The following CDS1 variants were observed in gnomAD, a reference collection of about 807,000 sequenced individuals.
The protein encoded by CDS1 is CDP-diacylglycerol synthase 1.
In CDS1, 41 loss-of-function variants were observed where a neutral mutation model predicts 62.1. The observed-to-expected ratio is 0.66, with a 90% CI of 0.51 to 0.86. CDS1 has a LOEUF of 0.86. CDS1 is among the 40% of genes least tolerant of loss of function. The pLI is 0.00. For synonymous variants in CDS1, 185 were observed against 192.6 expected (o/e 0.96, Z 0.32); for missense variants, 470 against 550.1 (o/e 0.85, Z 1.46).
intron 1 of CDS1, among the ~76,000 whole-genome samples, chr4:84,593,666 G>A (rs1429851988): frequency 6.6e-6 from 1 of 151,964 alleles, no homozygotes; most frequent in African/African-American, 2.4e-5. Flanking sequence ...CACTACGCCT[G>A]ACTAATTTTT....
intron 8 of CDS1, 69 bp from the exon 9 acceptor site, chr4:84,638,855 A>G (rs898493194): frequency 2.6e-5 from 10 of 386,064 alleles, no homozygotes; most frequent in African/African-American, 1.7e-4. Context: ...GTTTATATAT[A>G]TATATATATA....
chr4:84,644,834 A>T (rs1724506106), intron 11 of CDS1, among the ~76,000 whole-genome samples: 1 of 152,250 alleles, frequency 6.6e-6, no homozygotes, highest in African/African-American at 2.4e-5. Context: ...AACCAGTTGT[A>T]CATCTTTTAG....
rs150104822 is a variant in CDS1, at chr4:84,650,681, A to C, written c.*1995A>C. ...TTATAAAATCAATATTATTATAAACAAAATAGGAAGCTAGAAATATTTGGG... is the reference window on the plus strand; with the variant it reads ...TTATAAAATCAATATTATTATAAACCAAATAGGAAGCTAGAAATATTTGGG... On this transcript the variant is annotated 3_prime_UTR_variant, in exon 13 of 13. Transcript: ENST00000295887. The C allele has an allele frequency of 8.6e-4, 131 of 152,358 alleles. 1 individual carries two copies. Among genetic ancestry groups the C allele is most frequent in the African/African-American group, 3.1e-3 (130 of 41,592 alleles). The allele number at this position is 152,358 out of a possible 1,614,324, so 9.4% of individuals were successfully genotyped here.
chr4:84,643,062 T>C lies in CDS1; in HGVS notation c.1071T>C (p.Ile357=). Residue 357 remains isoleucine, a synonymous_variant, in exon 11 of 13, where the codon ATT becomes ATC. Transcript: ENST00000295887. ...VSLYPFQIHS[I]ALSTFASLIG... ...TGTACCCTTTCCAGATCCACAGCAT[T>C]GCACTGTCAACCTTTGCATCTTTAA... The C allele has an allele frequency of 6.2e-7, 1 of 1,613,098 alleles. No homozygotes were observed. The highest frequency in any genetic ancestry group is 8.5e-7 in the Non-Finnish European group (1 of 1,179,374).
chr4:84,608,205 G>A (rs1042785407), intron 2 of CDS1, among the ~76,000 whole-genome samples: 13 of 152,182 alleles, frequency 8.5e-5, no homozygotes, highest in Admixed American at 3.9e-4. Context: ...ACGGAGTCTC[G>A]CTCAGTCGCC....
chr4:84,595,440 T>C (rs1047276007), intron 1 of CDS1, among the ~76,000 whole-genome samples: 1 of 152,220 alleles, frequency 6.6e-6, no homozygotes, highest in Non-Finnish European at 1.5e-5. Flanking sequence ...CATAAATAGT[T>C]GCATACTGTA....
chr4:84,640,375 A>G (rs1724341698), intron 9 of CDS1, among the ~76,000 whole-genome samples: 1 of 151,978 alleles, frequency 6.6e-6, no homozygotes, highest in Non-Finnish European at 1.5e-5. Context: ...GGCTGTGGAC[A>G]GCTAGTTTTA....
intron 5 of CDS1, among the ~76,000 whole-genome samples, chr4:84,623,901 A>G (rs1288710371): frequency 6.6e-6 from 1 of 151,922 alleles, no homozygotes; most frequent in Non-Finnish European, 1.5e-5. Context: ...TGGCCCCTCC[A>G]TGTGGCTTGG....
chr4:84,604,187 C>T, intron 1 of CDS1, 56 bp from the exon 2 acceptor site: 1 of 1,502,936 alleles, frequency 6.7e-7, no homozygotes, highest in East Asian at 2.3e-5. Context: ...ATGTATTGGC[C>T]AGCCTGTGCT....
At chr4:84,610,133 TAGCATGATAAATA>T (rs1723272621) in intron 3 of CDS1, among the ~76,000 whole-genome samples, 1 of 152,092 alleles carries the variant, frequency 6.6e-6, no homozygotes, top group Non-Finnish European at 1.5e-5. Flanking sequence ...TATGAATAAA[TAGCATGATAAATA>T]AGCGAGATAA....
chr4:84,620,377 C>G (rs1723644114), intron 5 of CDS1, among the ~76,000 whole-genome samples: 1 of 151,708 alleles, frequency 6.6e-6, no homozygotes, highest in Non-Finnish European at 1.5e-5. Context: ...CCCCCGCCAC[C>G]ACACCCGACT....
At chr4:84,609,154 G>A (rs571277756) in intron 2 of CDS1, among the ~76,000 whole-genome samples, 17 of 149,826 alleles carry the variant, frequency 1.1e-4, no homozygotes, top group Non-Finnish European at 2.1e-4. Context: ...ACTCCAGCCT[G>A]GGTGCGACAG....
intron 1 of CDS1, among the ~76,000 whole-genome samples, chr4:84,601,640 C>T (rs539020921): frequency 7.3e-4 from 111 of 152,180 alleles, no homozygotes; most frequent in African/African-American, 2.6e-3. Context: ...CATTCAGGTA[C>T]GGTGGCTCAC....
intron 6 of CDS1, among the ~76,000 whole-genome samples, chr4:84,633,431 C>T (rs371763879): frequency 2.0e-5 from 3 of 152,190 alleles, no homozygotes; most frequent in Non-Finnish European, 4.4e-5. Context: ...AAAAAGTTAC[C>T]GTAATAAACT....
chr4:84,590,894 A>G (rs1030266871), intron 1 of CDS1, among the ~76,000 whole-genome samples: 2 of 152,188 alleles, frequency 1.3e-5, no homozygotes, highest in East Asian at 1.9e-4. Context: ...TTATGGCTAC[A>G]TGGTATCAGT....
chr4:84,626,274 A>G (rs1723858505), intron 5 of CDS1, among the ~76,000 whole-genome samples: 2 of 152,240 alleles, frequency 1.3e-5, no homozygotes, highest in Admixed American at 6.5e-5. Context: ...AGTTGTTTAT[A>G]TATCACAAGT....
At chr4:84,621,661 A>G (rs935733714) in intron 5 of CDS1, among the ~76,000 whole-genome samples, 11 of 152,176 alleles carry the variant, frequency 7.2e-5, no homozygotes, top group Non-Finnish European at 1.3e-4. Flanking sequence ...TCCTGGGCTC[A>G]AGGGATCCTT....
intron 5 of CDS1, among the ~76,000 whole-genome samples, chr4:84,623,587 GT>G (rs1335821321): frequency 6.6e-6 from 1 of 152,036 alleles, no homozygotes. Context: ...CTCTGTTCTT[GT>G]GGGGCTTCCC....
intron 7 of CDS1, among the ~76,000 whole-genome samples, chr4:84,634,785 C>A (rs1014722603): frequency 6.6e-6 from 1 of 152,064 alleles, no homozygotes; most frequent in Non-Finnish European, 1.5e-5. Flanking sequence ...TCTGTACATT[C>A]AGTAGGGTTT....
Sources: allele counts gnomAD v4.1 joint callset (sites outside exome capture counted in the v4.1 genomes callset), GRCh38; gene constraint gnomAD v4.1.1; transcripts MANE v1.5; gene names NCBI Gene and HGNC (gene_info 2026-07-23, HGNC 2026-07-21).